The following TENM2 variants were observed in gnomAD, a reference collection of about 807,000 sequenced individuals.
TENM2 encodes teneurin-2.
TENM2 carries 52 observed loss-of-function variants against 245.2 expected under a neutral mutation model. The ratio of observed to expected loss-of-function variants is 0.21; its 90% CI spans 0.17 to 0.27. The LOEUF (loss-of-function observed/expected upper bound fraction) is 0.27, where lower values mean the gene tolerates loss of function less well. TENM2 is among the 10% of genes least tolerant of loss of function. The probability of loss-of-function intolerance (pLI) is 1.00; values close to 1 mark genes in which losing one functional copy is unlikely to be tolerated. For missense variants in TENM2, 3,046 were observed against 3,666.8 expected (o/e 0.83, Z 4.37); for synonymous variants, 1,363 against 1,438.9 (o/e 0.95, Z 1.19).
chr5:167,090,999 G>A, the TENM2 span, among the ~76,000 whole-genome samples: 1 of 152,148 alleles, frequency 6.6e-6, no homozygotes, highest in Non-Finnish European at 1.5e-5. Context: ...ATTATATTAA[G>A]TCAGTATTTT....
At chr5:167,374,461 C>T (rs34287204) in intron 1 of TENM2, among the ~76,000 whole-genome samples, 25,556 of 152,070 alleles carry the variant, frequency 0.17, 2,225 homozygotes, top group Non-Finnish European at 0.19. Context: ...TTATTAAAAA[C>T]GACTAGTTTG....
intron 12 of TENM2, among the ~76,000 whole-genome samples, chr5:168,137,931 G>C (rs1336745916): frequency 6.6e-6 from 1 of 152,148 alleles, no homozygotes; most frequent in Non-Finnish European, 1.5e-5. Context: ...GTATCCTAGA[G>C]AGAAGCCTAG....
the TENM2 span, among the ~76,000 whole-genome samples, chr5:166,996,232 A>G: frequency 6.6e-6 from 1 of 152,108 alleles, no homozygotes; most frequent in Admixed American, 6.5e-5. Context: ...AGTCCCGGCT[A>G]CTTGTGAGGG....
At chr5:167,034,946 T>G in the TENM2 span, among the ~76,000 whole-genome samples, 1 of 152,152 alleles carries the variant, frequency 6.6e-6, no homozygotes, top group African/African-American at 2.4e-5. Flanking sequence ...CTGTATTTCC[T>G]TATGAGTAAA....
intron 2 of TENM2, among the ~76,000 whole-genome samples, chr5:167,794,293 C>T (rs375224565): frequency 7.0e-4 from 107 of 152,180 alleles, no homozygotes; most frequent in African/African-American, 2.0e-3. Flanking sequence ...ACAAATTACA[C>T]GTGTTTACTT....
chr5:166,993,724 G>C, the TENM2 span, among the ~76,000 whole-genome samples: 5 of 152,200 alleles, frequency 3.3e-5, no homozygotes. Flanking sequence ...TGTAAAGACA[G>C]TTGCAGGGTT....
intron 3 of TENM2, among the ~76,000 whole-genome samples, chr5:167,940,888 A>C (rs1257296173): frequency 6.6e-6 from 1 of 152,218 alleles, no homozygotes; most frequent in Non-Finnish European, 1.5e-5. Context: ...ATATCATCTT[A>C]TCGAGAAGCC....
At chr5:167,424,683 CATCTTGTTTTGT>C (rs1763706627) in intron 2 of TENM2, among the ~76,000 whole-genome samples, 1 of 151,766 alleles carries the variant, frequency 6.6e-6, no homozygotes, top group South Asian at 2.1e-4. Context: ...TGTAAAATTA[CATCTTGTTTTGT>C]ATTGTGGAAG....
At chr5:167,178,463 G>T in the TENM2 span, among the ~76,000 whole-genome samples, 1 of 152,132 alleles carries the variant, frequency 6.6e-6, no homozygotes, top group African/African-American at 2.4e-5. Flanking sequence ...CTGTGCTTTA[G>T]TGCACTTTCC....
intron 10 of TENM2, among the ~76,000 whole-genome samples, chr5:168,118,939 AGCC>A (rs1795281970): frequency 1.3e-5 from 2 of 152,146 alleles, no homozygotes; most frequent in African/African-American, 2.4e-5. Flanking sequence ...AGAATTCCTA[AGCC>A]CCTTGCCTCC....
At chr5:168,230,463 A>T (rs759369116) in intron 25 of TENM2, among the ~76,000 whole-genome samples, 1 of 152,208 alleles carries the variant, frequency 6.6e-6, no homozygotes, top group East Asian at 1.9e-4. Context: ...AGAAGGTATA[A>T]GGGAAATGTT....
At chr5:167,460,603 CT>C (rs70976431) in intron 2 of TENM2, among the ~76,000 whole-genome samples, 80,589 of 148,724 alleles carry the variant, frequency 0.54, 21,740 homozygotes, top group East Asian at 0.73. Context: ...GGCAAAACGT[CT>C]TTTTTTTTTT....
chr5:168,001,384 A>G (rs1004207050), intron 5 of TENM2, among the ~76,000 whole-genome samples: 1 of 152,260 alleles, frequency 6.6e-6, no homozygotes, highest in Non-Finnish European at 1.5e-5. Flanking sequence ...CTGATATTAC[A>G]AAAGTGTAGC....
chr5:167,353,283 G>A (rs1336108657), intron 1 of TENM2, among the ~76,000 whole-genome samples: 1 of 143,526 alleles, frequency 7.0e-6, no homozygotes, highest in African/African-American at 2.6e-5. Flanking sequence ...TGAACGTTTT[G>A]AAATTGGTGT....
intron 2 of TENM2, among the ~76,000 whole-genome samples, chr5:167,479,557 A>C (rs1767624500): frequency 6.6e-6 from 1 of 152,224 alleles, no homozygotes; most frequent in Non-Finnish European, 1.5e-5. Flanking sequence ...TTTAGGATTT[A>C]AAATATTATT....
At chr5:168,213,210 A>G (rs1447329389) in intron 20 of TENM2, among the ~76,000 whole-genome samples, 10 of 152,240 alleles carry the variant, frequency 6.6e-5, no homozygotes, top group Admixed American at 6.5e-4. Flanking sequence ...GAATGAAACC[A>G]GGTAGTCTAC....
chr5:167,599,386 T>C (rs1413423530), intron 2 of TENM2, among the ~76,000 whole-genome samples: 1 of 152,188 alleles, frequency 6.6e-6, no homozygotes, highest in Admixed American at 6.5e-5. Context: ...CAACCTAATG[T>C]TTCAGAGTTA....
At chr5:168,155,937 T>C (rs1235620265) in intron 12 of TENM2, among the ~76,000 whole-genome samples, 1 of 147,514 alleles carries the variant, frequency 6.8e-6, no homozygotes, top group African/African-American at 2.5e-5. Flanking sequence ...GTAAGTACGG[T>C]CTTGTGACCA....
chr5:167,343,922 A>G lies in TENM2; in HGVS notation c.227-31276A>G, dbSNP rs528202700. Reference sequence around the variant, plus strand: ...TTATTATATTACAAAAATTACCACCATCATAAGATATATTCATTTTAGAGT... The same window carrying G: ...TTATTATATTACAAAAATTACCACCGTCATAAGATATATTCATTTTAGAGT... On this transcript the variant is annotated intron_variant, in intron 1 of 28. Transcript: ENST00000518659. Among the ~76,000 whole-genome samples the G allele has an allele frequency of 1.2e-3, 178 of 152,096 alleles. 2 individuals carry two copies. In the South Asian group the frequency reaches 0.036, roughly 31 times the overall value.
Sources: gnomAD v4.1 joint callset for allele counts (sites outside exome capture counted in the v4.1 genomes callset) on GRCh38, gnomAD v4.1.1 for gene constraint, MANE v1.5 for transcripts, NCBI Gene and HGNC (gene_info 2026-07-23, HGNC 2026-07-21) for gene names.